Variants in RMDN2 observed in about 807,000 individuals in gnomAD.
RMDN2 encodes the protein regulator of microtubule dynamics protein 2.
A neutral mutation model predicts 52.8 loss-of-function variants in RMDN2; 61 were observed. The ratio of observed to expected loss-of-function variants is 1.16; its 90% CI spans 0.94 to 1.43. The LOEUF is 1.43. RMDN2 is among the 40% of genes most tolerant of loss of function. The pLI is 0.00. For missense variants in RMDN2, 592 were observed against 475.3 expected (o/e 1.25, Z -2.28); for synonymous variants, 180 against 153.1 (o/e 1.18, Z -1.30).
intron 10 of RMDN2, among the ~76,000 whole-genome samples, chr2:38,049,885 CA>C (rs2125298463): frequency 1.3e-5 from 2 of 152,252 alleles, no homozygotes; most frequent in South Asian, 4.1e-4. Context: ...CATTTTTTAT[CA>C]TCTTGCTTCC....
At chr2:38,041,427 G>GTTTTTTTTTT (rs3057329) in intron 10 of RMDN2, among the ~76,000 whole-genome samples, 1 of 120,078 alleles carries the variant, frequency 8.3e-6, no homozygotes, top group Non-Finnish European at 1.6e-5. Flanking sequence ...TTTTTTATTG[G>GTTTTTTTTTT]TTTTTTTTTT....
At chr2:38,018,032 A>G (rs1221985653), downstream of RMDN2, among the ~76,000 whole-genome samples, 4 of 152,216 alleles carry the variant, frequency 2.6e-5, no homozygotes, top group Admixed American at 6.5e-5. Flanking sequence ...CAGTTAAGGC[A>G]GGGACCGGCT....
At chr2:38,032,056 C>T (rs1418589163) in intron 10 of RMDN2, among the ~76,000 whole-genome samples, 1 of 152,202 alleles carries the variant, frequency 6.6e-6, no homozygotes, top group Non-Finnish European at 1.5e-5. Context: ...AAAACCCATT[C>T]ATAGAAAGAG....
At chr2:38,034,414 T>G (rs923264800) in intron 10 of RMDN2, among the ~76,000 whole-genome samples, 5 of 152,176 alleles carry the variant, frequency 3.3e-5, no homozygotes, top group African/African-American at 1.2e-4. Context: ...GAAGAAGACA[T>G]TCAGAGGGCA....
chr2:38,062,587 G>A (rs1236421117), intron 10 of RMDN2, among the ~76,000 whole-genome samples: 1 of 151,940 alleles, frequency 6.6e-6, no homozygotes, highest in Admixed American at 6.6e-5. Flanking sequence ...TAAATACCCA[G>A]GAGTGGGGTC....
chr2:38,056,132 G>T (rs1040511799), intron 10 of RMDN2, among the ~76,000 whole-genome samples: 45 of 152,276 alleles, frequency 3.0e-4, no homozygotes, highest in African/African-American at 1.1e-3. Flanking sequence ...ATAGGACGGG[G>T]CAGCACTGTG....
intron 2 of RMDN2, chr2:37,951,289 C>G: frequency 6.2e-7 from 1 of 1,611,632 alleles, no homozygotes; most frequent in Non-Finnish European, 8.5e-7. Context: ...CAAGTTAGTA[C>G]AGACGCCCAG....
chr2:37,937,146 A>G (rs917715277), intron 2 of RMDN2, among the ~76,000 whole-genome samples: 3 of 151,994 alleles, frequency 2.0e-5, no homozygotes, highest in Non-Finnish European at 4.4e-5. Flanking sequence ...TCCCAACACC[A>G]TTTATTAAAC....
intron 10 of RMDN2, among the ~76,000 whole-genome samples, chr2:38,039,797 A>T (rs369415824): frequency 2.0e-5 from 3 of 152,314 alleles, no homozygotes; most frequent in East Asian, 3.9e-4. Flanking sequence ...CATCTGACCC[A>T]GGATGTCAAG....
chr2:37,961,539 C>G (rs11688251), intron 2 of RMDN2, among the ~76,000 whole-genome samples: 54,789 of 151,534 alleles, frequency 0.36, 11,437 homozygotes, highest in South Asian at 0.51. Context: ...TCAACTCCAT[C>G]AGGTCATTTA....
intron 2 of RMDN2, among the ~76,000 whole-genome samples, chr2:37,949,586 A>G (rs984404822): frequency 2.6e-5 from 4 of 152,192 alleles, no homozygotes; most frequent in African/African-American, 4.8e-5. Flanking sequence ...ATTAGTTTGT[A>G]TGTAAACTAA....
chr2:37,952,082 T>G, intron 2 of RMDN2: 2 of 1,613,270 alleles, frequency 1.2e-6, no homozygotes, highest in Non-Finnish European at 1.7e-6. Flanking sequence ...CTTATAAAAA[T>G]TCTGGTTGCT....
At chr2:37,988,289 A>T (rs1674310998) in intron 5 of RMDN2, among the ~76,000 whole-genome samples, 2 of 152,208 alleles carry the variant, frequency 1.3e-5, no homozygotes, top group Admixed American at 1.3e-4. Flanking sequence ...AAATCTCTGG[A>T]AAGATTTATT....
At chr2:38,023,319 A>G (rs758496082) in intron 10 of RMDN2, among the ~76,000 whole-genome samples, 1 of 152,208 alleles carries the variant, frequency 6.6e-6, no homozygotes, top group Non-Finnish European at 1.5e-5. Flanking sequence ...ACAGAAGGTA[A>G]AAAAGGAAAC....
At chr2:37,954,167 T>G (rs1669176225) in intron 2 of RMDN2, among the ~76,000 whole-genome samples, 1 of 152,108 alleles carries the variant, frequency 6.6e-6, no homozygotes, top group African/African-American at 2.4e-5. Context: ...ACTCTGTTGA[T>G]TATGTCCTTT....
intron 7 of RMDN2, among the ~76,000 whole-genome samples, chr2:37,995,428 A>G (rs1267748066): frequency 6.6e-6 from 1 of 152,094 alleles, no homozygotes; most frequent in Non-Finnish European, 1.5e-5. Context: ...GTAACTATAT[A>G]GTAAGTTTAA....
At chr2:38,015,138 C>A (rs1678568497) in intron 10 of RMDN2, among the ~76,000 whole-genome samples, 1 of 152,216 alleles carries the variant, frequency 6.6e-6, no homozygotes, top group African/African-American at 2.4e-5. Context: ...GTAACCCCAA[C>A]CCCAGTATCA....
At chr2:38,006,820 C>G (rs184765291) in intron 10 of RMDN2, among the ~76,000 whole-genome samples, 2 of 152,060 alleles carry the variant, frequency 1.3e-5, no homozygotes, top group Non-Finnish European at 2.9e-5. Context: ...TTGCCCATTC[C>G]GTACGATACT....
chr2:38,001,690 G>A (rs1027925109), intron 8 of RMDN2, among the ~76,000 whole-genome samples: 1 of 152,208 alleles, frequency 6.6e-6, no homozygotes, highest in South Asian at 2.1e-4. Flanking sequence ...CAACTACCAG[G>A]CATAGAAGAA....
Sources: allele counts gnomAD v4.1 joint callset (sites outside exome capture counted in the v4.1 genomes callset), GRCh38; gene constraint gnomAD v4.1.1; transcripts MANE v1.5; gene names NCBI Gene and HGNC (gene_info 2026-07-23, HGNC 2026-07-21).